The following MTMR12 variants were observed in gnomAD, a reference collection of about 807,000 sequenced individuals.
The protein encoded by MTMR12 is myotubularin related protein 12.
Under a neutral mutation model 96.7 loss-of-function variants are expected in MTMR12, and 33 were observed. The ratio of observed to expected loss-of-function variants is 0.34; its 90% CI spans 0.26 to 0.46. The LOEUF is 0.46. Ranked by LOEUF, MTMR12 falls within the 20% of genes least tolerant of loss-of-function variation. The pLI is 1.00. For missense variants in MTMR12, 721 were observed against 896.1 expected, an observed-to-expected ratio of 0.80 and a Z score of 2.49; for synonymous variants, 298 against 327.2, an observed-to-expected ratio of 0.91 and a Z score of 0.96.
intron 1 of MTMR12, among the ~76,000 whole-genome samples, chr5:32,295,804 A>C: frequency 6.6e-6 from 1 of 152,222 alleles, no homozygotes; most frequent in Non-Finnish European, 1.5e-5. Context: ...GCCAGAACTC[A>C]GTATCAATTC....
In MTMR12 at chr5:32,227,028, A is replaced by G. The variant is rs556241603; in HGVS notation, c.*2750T>C. On this transcript the variant is annotated 3_prime_UTR_variant, in exon 16 of 16. Transcript: ENST00000382142. ...AGTATTGCTTGTAAATTGTGCTTTA[A>G]TTTCTGCAATCAGATATGATGCAGT... The G allele has an allele frequency of 6.5e-6, 1 of 152,794 alleles. No homozygotes were observed. The highest frequency in any genetic ancestry group is 1.9e-4 in the East Asian group (1 of 5,190). 9.5% of individuals were successfully genotyped at this position (152,794 alleles called of 1,614,324 possible). A position where few individuals can be genotyped will look rare whatever the true frequency, so the allele number is the denominator to read the frequency against.
chr5:32,285,914 C>T (rs1411706463), intron 1 of MTMR12, among the ~76,000 whole-genome samples: 1 of 152,168 alleles, frequency 6.6e-6, no homozygotes, highest in Admixed American at 6.5e-5. Flanking sequence ...CACAGGTCTC[C>T]AATGGGCCTG....
At position 32,270,801 on chromosome 5, in the gene MTMR12, A is replaced by G. The variant is rs1390793988; in HGVS notation, c.489+16T>C. 1.3e-6 allele frequency: 2 copies of G among 1,590,154 alleles called. No homozygotes were observed. Among genetic ancestry groups the G allele is most frequent in the Admixed American group, 1.8e-5 (1 of 54,644 alleles). ...CTGATGGGAAATAAAACCTAAAAAC[A>G]CATGCAACTAGTTACCCTTTTGACT... On this transcript the variant is annotated intron_variant, in intron 5 of 15. Transcript: ENST00000382142.
At chr5:32,242,170 G>T in intron 11 of MTMR12, 43 bp from the exon 12 acceptor site, 1 of 1,435,572 alleles carries the variant, frequency 7.0e-7, no homozygotes, top group Non-Finnish European at 9.8e-7. Context: ...TAGTTCATGA[G>T]CTTGGTAACA....
chr5:32,234,972 T>A lies in MTMR12; in HGVS notation c.1502A>T (p.Asp501Val), dbSNP rs149317739. The change falls in exon 14 of 16, where the codon GAT becomes GTT. Residue 501 changes from aspartate (D) to valine (V), a missense_variant. Transcript: ENST00000382142. The part of the protein sequence containing the change: ...TFFFNSPHQK[D>V]TNMGREGQDT... ...AAGAGGGACTCTTACCATGTTAGTATCTTTTTGATGAGGTGAATTGAAGAA... is the reference window on the plus strand; with the variant it reads ...AAGAGGGACTCTTACCATGTTAGTAACTTTTTGATGAGGTGAATTGAAGAA... The A allele has an allele frequency of 6.2e-7, 1 of 1,612,902 alleles. No individual in the cohort carries two copies. The highest frequency in any genetic ancestry group is 1.3e-5 in the African/African-American group (1 of 74,988).
Position 32,242,092 on chromosome 5 carries a change from C to T in MTMR12, c.1136G>A (p.Cys379Tyr), listed in dbSNP as rs776672635. ...CLKKAIEITE[C>Y]MEAQNMNVLL... ...AACATTCATGTTTTGTGCTTCCATA[C>T]ATTCTGTAATCTCTATTGCTTTTTT... Residue 379 changes from cysteine to tyrosine, a missense_variant, in exon 12 of 16, where the codon TGT becomes TAT. Transcript: ENST00000382142. 1.9e-6 allele frequency: 3 copies of T among 1,612,814 alleles called. No homozygotes were observed. Among genetic ancestry groups the T allele is most frequent in the Non-Finnish European group, 2.5e-6 (3 of 1,179,124 alleles).
intron 1 of MTMR12, among the ~76,000 whole-genome samples, chr5:32,309,265 G>A (rs2111555331): frequency 6.6e-6 from 1 of 152,294 alleles, no homozygotes; most frequent in African/African-American, 2.4e-5. Context: ...TCCCTGAAGA[G>A]AAAAGTTTAA....
intron 6 of MTMR12, among the ~76,000 whole-genome samples, chr5:32,267,464 GA>G (rs1292323026): frequency 1.3e-5 from 2 of 151,950 alleles, no homozygotes; most frequent in Non-Finnish European, 2.9e-5. Flanking sequence ...AGACATCTGT[GA>G]AAACATGTCC....
intron 5 of MTMR12, among the ~76,000 whole-genome samples, chr5:32,269,188 G>A (rs1350410730): frequency 6.6e-6 from 1 of 151,850 alleles, no homozygotes; most frequent in East Asian, 1.9e-4. Context: ...CATCACGCCT[G>A]ACTAATCTTT....
chr5:32,268,290 T>G (rs1397559625), intron 6 of MTMR12, among the ~76,000 whole-genome samples: 1 of 151,866 alleles, frequency 6.6e-6, no homozygotes, highest in Non-Finnish European at 1.5e-5. Context: ...GATGGATCAC[T>G]TGAGGTCAGG....
intron 1 of MTMR12, among the ~76,000 whole-genome samples, chr5:32,295,914 G>A (rs1750902560): frequency 6.6e-6 from 1 of 152,098 alleles, no homozygotes; most frequent in Non-Finnish European, 1.5e-5. Flanking sequence ...AGCATTTTGG[G>A]AGGCCAAGGC....
intron 11 of MTMR12, 112 bp downstream of exon 11, chr5:32,243,409 C>T: frequency 1.4e-6 from 1 of 728,146 alleles, no homozygotes. Context: ...AACATGTGAT[C>T]TAAGAATATT....
chr5:32,263,784 G>C (rs1238053563), intron 6 of MTMR12, among the ~76,000 whole-genome samples: 1 of 152,058 alleles, frequency 6.6e-6, no homozygotes, highest in Non-Finnish European at 1.5e-5. Flanking sequence ...CCTTGGAAAA[G>C]TAATTTATAG....
rs747008296 is a variant in MTMR12, at chr5:32,230,133, T to C, written c.1889A>G (p.His630Arg). ...STDYHGLLLP[H>R]IEGPEIKVWA... ...GACTTTGATTTCGGGCCCCTCGATA[T>C]GCGGTAACAACAAACCATGGTAGTC... The change falls in exon 16 of 16, where the codon CAT (histidine) becomes CGT (arginine). Residue 630 changes from histidine to arginine, a missense_variant. His to Arg is a conservative substitution (Grantham distance 29, BLOSUM62 0). Coordinates refer to ENST00000382142, the MANE Select transcript of MTMR12 (RefSeq NM_001040446.3). 1.2e-6 allele frequency: 2 copies of C among 1,613,416 alleles called. No individual in the cohort carries two copies. The highest frequency in any genetic ancestry group is 8.5e-7 in the Non-Finnish European group (1 of 1,179,470).
intron 12 of MTMR12, among the ~76,000 whole-genome samples, chr5:32,241,832 T>C (rs1243351165): frequency 6.6e-6 from 1 of 152,252 alleles, no homozygotes; most frequent in Non-Finnish European, 1.5e-5. Context: ...ACAATTCCTT[T>C]GTGGACTGTG....
rs566177580 is a variant in MTMR12 at position 32,267,301 on chromosome 5, G to A, written c.583+1400C>T. Among the ~76,000 whole-genome samples, 5 of 151,068 alleles carry A rather than the reference G, an allele frequency of 3.3e-5. No individual in the cohort carries two copies. In the South Asian group the frequency reaches 6.3e-4, roughly 19 times the overall value. Reference sequence around the variant, plus strand: ...TAAGGTGGGAGAATTGCTTGAACCCGGAAGGTGGAGGTTGCAGTGAGCCAA... The same window carrying A: ...TAAGGTGGGAGAATTGCTTGAACCCAGAAGGTGGAGGTTGCAGTGAGCCAA... On this transcript the variant is annotated intron_variant, in intron 6 of 15. Transcript: ENST00000382142.
rs185344439 is a variant in MTMR12 at position 32,242,322 on chromosome 5, T to C, written c.1101-195A>G. On this transcript the variant is annotated intron_variant, in intron 11 of 15. Transcript: ENST00000382142. ...GATACTGGGATATATTCCTGCCCAT[T>C]AGAAACTGAAAATTTTCAGGAGGGA... Among the ~76,000 whole-genome samples, 789 of 152,244 alleles carry C rather than the reference T, an allele frequency of 5.2e-3. 12 individuals are homozygous for C. Among genetic ancestry groups the C allele is most frequent in the African/African-American group, 0.018 (756 of 41,532 alleles).
In MTMR12 at chr5:32,262,004, G is replaced by A. The variant is rs191556016; in HGVS notation, c.713+1109C>T. 4.1e-4 allele frequency among the ~76,000 whole-genome samples: 63 copies of A among 152,184 alleles called. 1 individual carries two copies. Among genetic ancestry groups the A allele is most frequent in the African/African-American group, 1.5e-3 (61 of 41,538 alleles). ...GGAGAATGGCGTGAACCCAGGAGGC[G>A]GAGCTTACAGTGGACCGAGATCACG... is the stretch of plus-strand genomic sequence containing the variant. On this transcript the variant is annotated intron_variant, in intron 7 of 15. Transcript: ENST00000382142.
Position 32,274,027 on chromosome 5 carries a change from A to G in MTMR12, c.238T>C (p.Phe80Leu). 6.2e-7 allele frequency: 1 copy of G among 1,614,228 alleles called. No individual in the cohort carries two copies. Among genetic ancestry groups the G allele is most frequent in the Non-Finnish European group, 8.5e-7 (1 of 1,180,038 alleles). The change falls in exon 3 of 16, where the codon TTC becomes CTC. Residue 80 changes from phenylalanine to leucine, a missense_variant. Transcript: ENST00000382142. ...GVYGRLVCTD[F>L]KIAFLGDDES... ...TCATCACCCAAGAAGGCAATCTTGA[A>G]GTCTGTGCAGACAAGCCTCCCATAG...
Sources: allele counts gnomAD v4.1 joint callset (sites outside exome capture counted in the v4.1 genomes callset), GRCh38; gene constraint gnomAD v4.1.1; transcripts MANE v1.5; gene names NCBI Gene and HGNC (gene_info 2026-07-23, HGNC 2026-07-21).